Variants in PAN3 observed in about 807,000 individuals in gnomAD.
The protein encoded by PAN3 is PAN2-PAN3 deadenylation complex subunit PAN3.
A neutral mutation model predicts 96.2 loss-of-function variants in PAN3; 19 were observed. The ratio of observed to expected loss-of-function variants is 0.20; its 90% confidence interval spans 0.14 to 0.29. The LOEUF is 0.29. PAN3 is among the 10% of genes least tolerant of loss of function. The pLI is 1.00. For missense variants in PAN3, 882 were observed against 1,108.1 expected (o/e 0.80, Z 2.90); for synonymous variants, 433 against 406.6 (o/e 1.06, Z -0.78).
At chr13:28,152,581 T>TG (rs1009264674) in intron 1 of PAN3, among the ~76,000 whole-genome samples, 2 of 150,824 alleles carry the variant, frequency 1.3e-5, no homozygotes, top group African/African-American at 4.9e-5. Flanking sequence ...TGAAACTCCA[T>TG]GAAAAAAAAA....
intron 5 of PAN3, among the ~76,000 whole-genome samples, chr13:28,205,657 A>T (rs949037851): frequency 1.3e-5 from 2 of 151,952 alleles, no homozygotes; most frequent in Admixed American, 6.6e-5. Context: ...TGGGCAACAT[A>T]GTGAGACCCC....
intron 1 of PAN3, among the ~76,000 whole-genome samples, chr13:28,155,658 T>G (rs532368373): frequency 6.6e-6 from 1 of 152,222 alleles, no homozygotes; most frequent in African/African-American, 2.4e-5. Flanking sequence ...GTGCATAGAT[T>G]AATAAAGGAG....
chr13:28,276,796 A>G (rs1315991488), intron 14 of PAN3, among the ~76,000 whole-genome samples: 2 of 152,222 alleles, frequency 1.3e-5, no homozygotes, highest in African/African-American at 4.8e-5. Flanking sequence ...GAAAATGAGC[A>G]AAGTATGTAT....
chr13:28,277,453 G>A (rs1346428859), intron 15 of PAN3, 77 bp downstream of exon 15: 1 of 1,436,074 alleles, frequency 7.0e-7, no homozygotes, highest in South Asian at 1.3e-5. Context: ...TTAAGTGATT[G>A]TTTTGGTTCC....
chr13:28,213,468 C>T (rs1325149190), intron 5 of PAN3, among the ~76,000 whole-genome samples: 1 of 151,888 alleles, frequency 6.6e-6, no homozygotes, highest in Non-Finnish European at 1.5e-5. Context: ...CCTAGAATTC[C>T]ATACTTGGAA....
At chr13:28,244,002 A>T (rs1356508309) in intron 6 of PAN3, among the ~76,000 whole-genome samples, 1 of 152,154 alleles carries the variant, frequency 6.6e-6, no homozygotes, top group Admixed American at 6.5e-5. Context: ...TTTTTTTAAA[A>T]CATAAACTCT....
chr13:28,265,156 T>C (rs1886054576), intron 9 of PAN3, among the ~76,000 whole-genome samples: 1 of 152,252 alleles, frequency 6.6e-6, no homozygotes, highest in Non-Finnish European at 1.5e-5. Context: ...ATCATTCAAA[T>C]ACAAACTAGG....
At position 28,138,636 on chromosome 13, in the gene PAN3, A is replaced by T; in HGVS notation, c.-22A>T. ...GCGGCGGCTCCTCGGGCGGCGGCGGAAGACGAGGCTGCGGCGTTGCCATGA... is the reference window on the plus strand; with the variant it reads ...GCGGCGGCTCCTCGGGCGGCGGCGGTAGACGAGGCTGCGGCGTTGCCATGA... On this transcript the variant is annotated 5_prime_UTR_variant, in exon 1 of 19. Coordinates refer to ENST00000380958, the MANE Select transcript of PAN3 (RefSeq NM_175854.8). 1 of 520,064 alleles carries T rather than the reference A, an allele frequency of 1.9e-6. No individual in the cohort carries two copies. The highest frequency in any genetic ancestry group is 3.6e-5 in the East Asian group (1 of 27,530). 32.2% of individuals were successfully genotyped at this position (520,064 alleles called of 1,614,324 possible). A position where few individuals can be genotyped will look rare whatever the true frequency, so the allele number is the denominator to read the frequency against.
Position 28,292,623 on chromosome 13 carries a change from G to C in PAN3, c.*101G>C. 8.1e-7 allele frequency: 1 copy of C among 1,239,356 alleles called. No homozygotes were observed. Among genetic ancestry groups the C allele is most frequent in the East Asian group, 2.5e-5 (1 of 39,398 alleles). 76.8% of individuals were successfully genotyped at this position (1,239,356 alleles called of 1,614,324 possible). On this transcript the variant is annotated 3_prime_UTR_variant, in exon 19 of 19. Transcript: ENST00000380958. ...ATCATCTCATTCACATTTGGGAAAC[G>C]AACAGGAGATGAGCAAAGCTGCTTG...
intron 6 of PAN3, among the ~76,000 whole-genome samples, chr13:28,225,389 GTGAT>G (rs1881889387): frequency 6.6e-6 from 1 of 152,164 alleles, no homozygotes; most frequent in African/African-American, 2.4e-5. Flanking sequence ...ACAAAATTCC[GTGAT>G]TGATTATCTC....
chr13:28,147,024 A>C (rs1870749593), intron 1 of PAN3, among the ~76,000 whole-genome samples: 1 of 152,134 alleles, frequency 6.6e-6, no homozygotes, highest in Admixed American at 6.6e-5. Context: ...GTACAGTAAA[A>C]ATATAGTGTT....
At chr13:28,186,522 C>A (rs1876489419) in intron 4 of PAN3, among the ~76,000 whole-genome samples, 1 of 151,630 alleles carries the variant, frequency 6.6e-6, no homozygotes. Flanking sequence ...TTGTTATAGT[C>A]TCCTATTTAT....
chr13:28,192,886 G>A (rs1286407515), intron 4 of PAN3, among the ~76,000 whole-genome samples: 30 of 151,844 alleles, frequency 2.0e-4, no homozygotes, highest in Admixed American at 1.9e-3. Flanking sequence ...GTAATCTTTC[G>A]CCTCACCATC....
intron 12 of PAN3, 44 bp downstream of exon 12, chr13:28,267,445 T>C (rs765026910): frequency 6.8e-7 from 1 of 1,480,388 alleles, no homozygotes; most frequent in South Asian, 1.1e-5. Context: ...CTAATGCTTT[T>C]GCTCTGTGGA....
chr13:28,220,416 C>A, intron 6 of PAN3, 38 bp downstream of exon 6: 1 of 1,597,022 alleles, frequency 6.3e-7, no homozygotes, highest in Non-Finnish European at 8.6e-7. Flanking sequence ...TTCCAGATAC[C>A]ATGTCTGTAA....
At chr13:28,182,734 C>T (rs1159135174) in intron 4 of PAN3, among the ~76,000 whole-genome samples, 1 of 152,082 alleles carries the variant, frequency 6.6e-6, no homozygotes, top group African/African-American at 2.4e-5. Context: ...CTGGATTATT[C>T]TGCTTGAGAG....
chr13:28,269,922 T>C (rs1886469903), intron 12 of PAN3, among the ~76,000 whole-genome samples: 1 of 152,144 alleles, frequency 6.6e-6, no homozygotes, highest in Non-Finnish European at 1.5e-5. Context: ...AAAGGTTGTT[T>C]TACAACAATA....
chr13:28,141,462 C>CTTTTTTTTTTTTTT (rs759736683), intron 1 of PAN3, among the ~76,000 whole-genome samples: 792 of 90,168 alleles, frequency 8.8e-3, no homozygotes, highest in Non-Finnish European at 0.011. Context: ...TTCTTTTTTT[C>CTTTTTTTTTTTTTT]TTTTTTTTTT....
intron 4 of PAN3, among the ~76,000 whole-genome samples, chr13:28,188,168 A>T (rs1165762374): frequency 2.0e-5 from 3 of 152,182 alleles, no homozygotes; most frequent in Non-Finnish European, 4.4e-5. Context: ...CTATCTCCTG[A>T]CACTCCTAAG....
Sources: gnomAD v4.1 joint callset for allele counts (sites outside exome capture counted in the v4.1 genomes callset) on GRCh38, gnomAD v4.1.1 for gene constraint, MANE v1.5 for transcripts, NCBI Gene and HGNC (gene_info 2026-07-23, HGNC 2026-07-21) for gene names.